The following FMN1 variants were observed in gnomAD, a reference collection of about 807,000 sequenced individuals.
FMN1 encodes formin 1, also known as formin-1.
FMN1 carries 110 observed loss-of-function variants against 132.4 expected under a neutral mutation model. The ratio of observed to expected loss-of-function variants is 0.83; its 90% confidence interval spans 0.71 to 0.97. FMN1 has a LOEUF of 0.97. Ranked by LOEUF, FMN1 falls within the 50% of genes least tolerant of loss-of-function variation. The probability of loss-of-function intolerance (pLI) is 0.00; values close to 1 mark genes in which losing one functional copy is unlikely to be tolerated. For missense variants in FMN1, 1,792 were observed against 1,705.3 expected (o/e 1.05, Z -0.90); for synonymous variants, 722 against 651.7 (o/e 1.11, Z -1.64).
chr15:33,091,350 A>G (rs977286051), intron 4 of FMN1, among the ~76,000 whole-genome samples: 1 of 152,214 alleles, frequency 6.6e-6, no homozygotes, highest in African/African-American at 2.4e-5. Flanking sequence ...ATACTGCATT[A>G]ATGAGGTGAG....
At chr15:32,971,839 A>G (rs2031819575) in intron 7 of FMN1, among the ~76,000 whole-genome samples, 1 of 152,162 alleles carries the variant, frequency 6.6e-6, no homozygotes, top group Admixed American at 6.5e-5. Flanking sequence ...CCCCAAGATG[A>G]AATCTTGTAT....
chr15:32,823,749 C>T (rs1404913287), intron 17 of FMN1, among the ~76,000 whole-genome samples: 12 of 152,176 alleles, frequency 7.9e-5, no homozygotes, highest in Admixed American at 7.9e-4. Flanking sequence ...ATTTTAAAGG[C>T]ACTATGTGGA....
rs566808757 is a variant in FMN1 at position 33,080,293 on chromosome 15, TTTG to T, written c.2043+8503_2043+8505del. On this transcript the variant is annotated intron_variant, in intron 5 of 20. Coordinates refer to ENST00000616417, the MANE Select transcript of FMN1 (RefSeq NM_001277313.2). ...GTTGAATCTAATTTACGCTGTGGAG[TTTG>T]TTATTTAGGAGTGAAGGAAGGTGGA... Among the ~76,000 whole-genome samples the T allele has an allele frequency of 3.5e-3, 536 of 152,120 alleles. 1 individual carries two copies. The highest frequency in any genetic ancestry group is 5.7e-3 in the Non-Finnish European group (391 of 68,002).
chr15:32,989,103 T>C (rs891851184), intron 7 of FMN1, among the ~76,000 whole-genome samples: 2 of 151,912 alleles, frequency 1.3e-5, no homozygotes, highest in African/African-American at 4.8e-5. Context: ...AAATATTACC[T>C]GTGAAATCAC....
intron 12 of FMN1, among the ~76,000 whole-genome samples, chr15:32,905,160 T>C (rs779379489): frequency 6.6e-6 from 1 of 152,238 alleles, no homozygotes; most frequent in Non-Finnish European, 1.5e-5. Flanking sequence ...AGACGTTCTG[T>C]GTCTCACATT....
chr15:33,004,140 A>G (rs1423311489), intron 7 of FMN1, among the ~76,000 whole-genome samples: 1 of 152,208 alleles, frequency 6.6e-6, no homozygotes, highest in East Asian at 1.9e-4. Context: ...ATGGGCAAGG[A>G]CTTCATGTCT....
intron 4 of FMN1, among the ~76,000 whole-genome samples, chr15:33,129,766 C>T (rs572590617): frequency 3.5e-4 from 53 of 151,570 alleles, no homozygotes; most frequent in African/African-American, 1.3e-3. Context: ...ACACCTCTGA[C>T]CAGAAAAGAG....
chr15:33,174,339 T>C (rs1195739305), intron 3 of FMN1, among the ~76,000 whole-genome samples: 1 of 152,202 alleles, frequency 6.6e-6, no homozygotes, highest in Non-Finnish European at 1.5e-5. Context: ...TAAGTCCTTC[T>C]TAATACCTCC....
At chr15:33,029,721 G>A (rs2035846527) in intron 6 of FMN1, among the ~76,000 whole-genome samples, 1 of 152,046 alleles carries the variant, frequency 6.6e-6, no homozygotes, top group Non-Finnish European at 1.5e-5. Flanking sequence ...AGAAGGAAGT[G>A]AAGACAGCAA....
intron 9 of FMN1, among the ~76,000 whole-genome samples, chr15:32,952,870 A>C (rs2061684315): frequency 6.6e-6 from 1 of 152,190 alleles, no homozygotes; most frequent in Non-Finnish European, 1.5e-5. Flanking sequence ...TGGCGAAGGG[A>C]GGGATCAAAA....
Position 32,930,228 on chromosome 15 carries a change from C to A in FMN1, c.3139-3967G>T, listed in dbSNP as rs141532500. The stretch of plus-strand genomic sequence containing the variant: ...GGTCTCTATCTCCTGACCTCATGAT[C>A]TGCTCGCCTTGGCCTCCCCAAATGC... On this transcript the variant is annotated intron_variant, in intron 9 of 20. Coordinates refer to ENST00000616417, the MANE Select transcript of FMN1 (RefSeq NM_001277313.2). 5.2e-4 allele frequency among the ~76,000 whole-genome samples: 79 copies of A among 152,142 alleles called. 1 individual carries two copies. The East Asian group carries it at 0.012, about 22-fold the overall frequency.
chr15:32,864,208 A>G (rs992093601), intron 16 of FMN1, among the ~76,000 whole-genome samples: 3 of 152,180 alleles, frequency 2.0e-5, no homozygotes, highest in Non-Finnish European at 4.4e-5. Context: ...AATAAAAAGT[A>G]CCTATTTCAT....
In FMN1 at chr15:32,813,101, T is replaced by C. The variant is rs537001623; in HGVS notation, c.3929-8769A>G. Among the ~76,000 whole-genome samples the C allele has an allele frequency of 3.3e-5, 5 of 152,296 alleles. No individual in the cohort carries two copies. The East Asian group carries it at 5.8e-4, about 18-fold the overall frequency. On this transcript the variant is annotated intron_variant, in intron 17 of 20. Transcript: ENST00000616417. ...CTAGTTATATAGCATTTACATTGTA[T>C]TAGGTATCATAAGTAATCTAGAGAT... is the stretch of plus-strand genomic sequence containing the variant.
At chr15:33,021,705 T>A (rs2035424958) in intron 6 of FMN1, among the ~76,000 whole-genome samples, 1 of 152,134 alleles carries the variant, frequency 6.6e-6, no homozygotes, top group Non-Finnish European at 1.5e-5. Context: ...AAAACTGTCA[T>A]TAAGTCCAAT....
chr15:32,808,901 G>GTTTT (rs35230592), intron 17 of FMN1, among the ~76,000 whole-genome samples: 2 of 144,412 alleles, frequency 1.4e-5, no homozygotes, highest in African/African-American at 5.1e-5. Flanking sequence ...AAACTTTAGT[G>GTTTT]TTTTTTTTTT....
At chr15:33,135,339 C>T (rs1258713300) in intron 4 of FMN1, among the ~76,000 whole-genome samples, 2 of 152,068 alleles carry the variant, frequency 1.3e-5, no homozygotes, top group Non-Finnish European at 2.9e-5. Context: ...TAAAAATGTG[C>T]CCTTAGAAAT....
At chr15:33,059,418 T>G (rs1050157425) in intron 6 of FMN1, among the ~76,000 whole-genome samples, 2 of 152,184 alleles carry the variant, frequency 1.3e-5, no homozygotes, top group Non-Finnish European at 2.9e-5. Flanking sequence ...CCCAGAAGTG[T>G]GATTACTCGG....
At chr15:32,964,755 A>T (rs1470627149) in intron 8 of FMN1, among the ~76,000 whole-genome samples, 5 of 152,226 alleles carry the variant, frequency 3.3e-5, no homozygotes, top group African/African-American at 9.6e-5. Context: ...TTTAGGATTC[A>T]TGCAGGTAAA....
intron 16 of FMN1, among the ~76,000 whole-genome samples, chr15:32,872,019 G>A (rs1213130442): frequency 1.3e-5 from 2 of 151,950 alleles, no homozygotes; most frequent in African/African-American, 2.4e-5. Flanking sequence ...CTAGGTTTGA[G>A]GCCTGTGCAT....
Sources: gnomAD v4.1 joint callset for allele counts (sites outside exome capture counted in the v4.1 genomes callset) on GRCh38, gnomAD v4.1.1 for gene constraint, MANE v1.5 for transcripts, NCBI Gene and HGNC (gene_info 2026-07-23, HGNC 2026-07-21) for gene names.